ZNHIT3: variants seen among roughly 807,000 people sequenced by gnomAD.
The protein encoded by ZNHIT3 is zinc finger HIT domain-containing protein 3.
Under a neutral mutation model 19.9 loss-of-function variants are expected in ZNHIT3, and 27 were observed. The ratio of observed to expected loss-of-function variants is 1.36; its 90% CI spans 1.00 to 1.87. ZNHIT3 has a LOEUF of 1.87. Among genes scored for constraint, ZNHIT3 ranks in the 40% most tolerant of loss-of-function variants. ZNHIT3 has a pLI of 0.00. For synonymous variants in ZNHIT3, 81 were observed against 65.7 expected (o/e 1.23, Z -1.13); for missense variants, 215 against 185.6 (o/e 1.16, Z -0.92).
downstream of ZNHIT3, chr17:36,496,323 G>T: frequency 1.9e-6 from 3 of 1,614,024 alleles, no homozygotes; most frequent in Non-Finnish European, 2.5e-6. Flanking sequence ...TCTGATTAAA[G>T]CCTGTAATGC....
At chr17:36,495,091 C>G in intron 4 of ZNHIT3, 132 bp from the exon 5 acceptor site, 1 of 1,120,248 alleles carries the variant, frequency 8.9e-7, no homozygotes, top group Non-Finnish European at 1.2e-6. Flanking sequence ...TCCCCAGTTG[C>G]TGGTATTACA....
downstream of ZNHIT3, chr17:36,498,685 G>T: frequency 8.5e-7 from 1 of 1,170,142 alleles, no homozygotes. Flanking sequence ...GTTGCAAACA[G>T]CTGGCTGCCC....
In ZNHIT3 at chr17:36,489,916, G is replaced by A. The variant is rs370986522; in HGVS notation, c.119-2897G>A. 13 of 151,542 alleles carry A rather than the reference G, an allele frequency of 8.6e-5. No individual in the cohort carries two copies. In the East Asian group the frequency reaches 2.1e-3, roughly 25 times the overall value. 9.4% of individuals were successfully genotyped at this position (151,542 alleles called of 1,614,324 possible). A position where few individuals can be genotyped will look rare whatever the true frequency, so the allele number is the denominator to read the frequency against. ...ATTACAGGGGTGAGCCACCATGCCC[G>A]GCCCATTTGTCCACTTAATTTTTTT... On this transcript the variant is annotated intron_variant, in intron 2 of 4. Coordinates refer to ENST00000617429, the MANE Select transcript of ZNHIT3 (RefSeq NM_004773.4).
Position 36,495,360 on chromosome 17 carries a change from TG to T in ZNHIT3, c.425del (p.Cys142SerfsTer3). ...GCCTTTGTTTGTGGAGTTTGCAGAC[TG>T]CTGTTTAGGAATTGTGGAGCCATCC... is the stretch of plus-strand genomic sequence containing the variant. ...QEPLFVEFAD[C>X]CLGIVEPSQN... On this transcript the variant is annotated frameshift_variant, in exon 5 of 5. Coordinates refer to ENST00000617429, the MANE Select transcript of ZNHIT3 (RefSeq NM_004773.4). LOFTEE classifies it high-confidence loss of function. 6.2e-7 allele frequency: 1 copy of T among 1,611,988 alleles called. No individual in the cohort carries two copies. The highest frequency in any genetic ancestry group is 1.1e-5 in the South Asian group (1 of 90,594).
At chr17:36,486,841 G>GCGGGAGGCCGGGAGGC (rs532017720) in intron 1 of ZNHIT3, 56 bp downstream of exon 1, 9 of 1,599,736 alleles carry the variant, frequency 5.6e-6, no homozygotes, top group Non-Finnish European at 7.7e-6. Flanking sequence ...TGGCGGGAGG[G>GCGGGAGGCCGGGAGGC]CGGGAGGCCG....
Position 36,495,813 on chromosome 17 carries a change from A to C in ZNHIT3, c.*409A>C, listed in dbSNP as rs1304767418. On this transcript the variant is annotated 3_prime_UTR_variant, in exon 5 of 5. Transcript: ENST00000617429. ...ATTACATTAAATAAATCAACTAATT[A>C]AATACTAAAGTTTTGTTCCTTTTTA... The C allele has an allele frequency of 2.4e-6, 3 of 1,241,270 alleles. No homozygotes were observed. Among genetic ancestry groups the C allele is most frequent in the Admixed American group, 3.9e-5 (1 of 25,680 alleles). 76.9% of individuals were successfully genotyped at this position (1,241,270 alleles called of 1,614,324 possible).
chr17:36,498,551 C>T (rs368961282), downstream of ZNHIT3: 24 of 1,607,380 alleles, frequency 1.5e-5, no homozygotes, highest in African/African-American at 3.2e-4. Context: ...CAAGGCAGGC[C>T]ATTCTGATCT....
intron 2 of ZNHIT3, among the ~76,000 whole-genome samples, chr17:36,488,662 CTCCTA>C (rs67146205): frequency 0.3 from 45,305 of 151,788 alleles, 8,174 homozygotes; most frequent in Non-Finnish European, 0.41. Context: ...TATATAAAGC[CTCCTA>C]TTGGTTGATT....
Position 36,493,971 on chromosome 17 carries a change from AAGAC to A in ZNHIT3, c.255_258del (p.Asp85GlufsTer7), listed in dbSNP as rs529353249. ...GATTTTCTCAATAGTGATGAGGAAG[AAGAC>A]AGAGTTTCTTTGCAGAATTTAAAGA... On this transcript the variant is annotated frameshift_variant, in exon 4 of 5. Transcript: ENST00000617429. LOFTEE classifies it high-confidence loss of function. The A allele has an allele frequency of 5.6e-5, 90 of 1,613,774 alleles. No homozygotes were observed. The highest frequency in any genetic ancestry group is 4.9e-4 in the African/African-American group (37 of 75,068).
chr17:36,487,294 C>G (rs759621328), intron 2 of ZNHIT3, among the ~76,000 whole-genome samples: 2 of 152,216 alleles, frequency 1.3e-5, no homozygotes, highest in Non-Finnish European at 2.9e-5. Flanking sequence ...CTAGCAGTTT[C>G]TTCCTCAGTA....
chr17:36,494,743 C>T (rs1422649093), intron 4 of ZNHIT3, among the ~76,000 whole-genome samples: 1 of 151,746 alleles, frequency 6.6e-6, no homozygotes, highest in Non-Finnish European at 1.5e-5. Flanking sequence ...ACTGGTGCTG[C>T]TGCATGCCAA....
chr17:36,498,434 G>C (rs1189940704), downstream of ZNHIT3: 8 of 1,613,930 alleles, frequency 5.0e-6, no homozygotes, highest in South Asian at 1.1e-5. Flanking sequence ...CCAGGGGCCA[G>C]AGGCGGATTA....
At chr17:36,496,066 T>C, downstream of ZNHIT3, 1 of 875,072 alleles carries the variant, frequency 1.1e-6, no homozygotes, top group East Asian at 2.6e-5. Flanking sequence ...GTGCTTGATG[T>C]AGCCTGGAAC....
Position 36,486,979 on chromosome 17 carries a change from C to A in ZNHIT3, c.118+13C>A. ...CGGAAGCACAAAGGTGAGCCCCGTCCCCGCCAGCCCTCGTACCACTGCGCA... is the reference window on the plus strand; with the variant it reads ...CGGAAGCACAAAGGTGAGCCCCGTCACCGCCAGCCCTCGTACCACTGCGCA... On this transcript the variant is annotated intron_variant, in intron 2 of 4. Coordinates refer to ENST00000617429, the MANE Select transcript of ZNHIT3 (RefSeq NM_004773.4). 1 of 1,610,884 alleles carries A rather than the reference C, an allele frequency of 6.2e-7. No individual in the cohort carries two copies. Among genetic ancestry groups the A allele is most frequent in the Non-Finnish European group, 8.5e-7 (1 of 1,179,366 alleles).
At chr17:36,496,069 C>G (rs2070938276), downstream of ZNHIT3, 1 of 896,582 alleles carries the variant, frequency 1.1e-6, no homozygotes, top group Non-Finnish European at 1.7e-6. Flanking sequence ...CTTGATGTAG[C>G]CTGGAACCCC....
chr17:36,495,363 T>C lies in ZNHIT3; in HGVS notation c.427T>C (p.Cys143Arg). Residue 143 changes from cysteine (C) to arginine (R), a missense_variant, in exon 5 of 5, where the codon TGT (cysteine) becomes CGT (arginine). Cys to Arg is a radical substitution (Grantham distance 180). Transcript: ENST00000617429. ...EPLFVEFADC[C>R]LGIVEPSQNE... Reference sequence around the variant, plus strand: ...TTTGTTTGTGGAGTTTGCAGACTGCTGTTTAGGAATTGTGGAGCCATCCCA... The same window carrying C: ...TTTGTTTGTGGAGTTTGCAGACTGCCGTTTAGGAATTGTGGAGCCATCCCA... 1.2e-6 allele frequency: 2 copies of C among 1,611,580 alleles called. No individual in the cohort carries two copies. The highest frequency in any genetic ancestry group is 1.7e-6 in the Non-Finnish European group (2 of 1,179,374).
chr17:36,487,315 G>T (rs1387941424), intron 2 of ZNHIT3, among the ~76,000 whole-genome samples: 1 of 152,102 alleles, frequency 6.6e-6, no homozygotes. Flanking sequence ...TTCTGATGTA[G>T]CCCCTCACCA....
intron 2 of ZNHIT3, among the ~76,000 whole-genome samples, chr17:36,487,177 C>T (rs939466781): frequency 1.3e-5 from 2 of 152,166 alleles, no homozygotes; most frequent in South Asian, 2.1e-4. Flanking sequence ...TGTAATCGCT[C>T]TCAGGGTTTT....
chr17:36,498,181 C>T (rs371087808), downstream of ZNHIT3: 14 of 1,463,318 alleles, frequency 9.6e-6, no homozygotes, highest in African/African-American at 1.1e-4. Flanking sequence ...GTCCCAGCCT[C>T]AGTCTCATTC....
Sources: allele counts gnomAD v4.1 joint callset (sites outside exome capture counted in the v4.1 genomes callset), GRCh38; gene constraint gnomAD v4.1.1; transcripts MANE v1.5; gene names NCBI Gene and HGNC (gene_info 2026-07-23, HGNC 2026-07-21).